MAF: variants seen among roughly 807,000 people sequenced by gnomAD.
MAF encodes MAF bZIP transcription factor, also known as transcription factor Maf.
A neutral mutation model predicts 22.0 loss-of-function variants in MAF; 10 were observed. The observed-to-expected ratio is 0.45, with a 90% CI of 0.28 to 0.77. The LOEUF is 0.77. MAF is among the 30% of genes least tolerant of loss of function. The probability of loss-of-function intolerance (pLI) is 0.12; values close to 1 mark genes in which losing one functional copy is unlikely to be tolerated. For missense variants in MAF, 544 were observed against 548.4 expected, an observed-to-expected ratio of 0.99 and a Z score of 0.08; for synonymous variants, 337 against 255.8, an observed-to-expected ratio of 1.32 and a Z score of -3.03.
At chr16:79,373,467 C>G in the MAF span, among the ~76,000 whole-genome samples, 1 of 142,072 alleles carries the variant, frequency 7.0e-6, no homozygotes, top group African/African-American at 2.6e-5. Context: ...ACTGCAACCT[C>G]CATCTCCTGG....
At chr16:79,512,364 G>A in the MAF span, among the ~76,000 whole-genome samples, 1 of 152,118 alleles carries the variant, frequency 6.6e-6, no homozygotes, top group Non-Finnish European at 1.5e-5. Flanking sequence ...TGAAGAAAAT[G>A]AACCTTCCAG....
chr16:79,550,659 T>G, the MAF span, among the ~76,000 whole-genome samples: 3 of 152,276 alleles, frequency 2.0e-5, no homozygotes, highest in South Asian at 6.2e-4. Context: ...GATATCTCAC[T>G]CACTGCCTTT....
the MAF span, among the ~76,000 whole-genome samples, chr16:79,238,190 G>A: frequency 6.6e-6 from 1 of 151,934 alleles, no homozygotes; most frequent in Non-Finnish European, 1.5e-5. Context: ...CTAGTATCCT[G>A]GGACAGAGCC....
chr16:79,418,111 A>G, the MAF span, among the ~76,000 whole-genome samples: 1 of 152,202 alleles, frequency 6.6e-6, no homozygotes, highest in African/African-American at 2.4e-5. Context: ...GGAAGAAAAC[A>G]GGGACCTATC....
the MAF span, among the ~76,000 whole-genome samples, chr16:79,413,492 C>T: frequency 6.6e-6 from 1 of 151,180 alleles, no homozygotes; most frequent in Non-Finnish European, 1.5e-5. Context: ...CTCGGCCTCC[C>T]AAAGTGCTGG....
At chr16:79,514,821 G>C in the MAF span, among the ~76,000 whole-genome samples, 3 of 152,208 alleles carry the variant, frequency 2.0e-5, no homozygotes, top group Admixed American at 2.0e-4. Flanking sequence ...TTGGAAGCCA[G>C]ATAAAAGTAT....
At chr16:79,384,490 G>T in the MAF span, among the ~76,000 whole-genome samples, 1 of 149,760 alleles carries the variant, frequency 6.7e-6, no homozygotes, top group Admixed American at 6.7e-5. Context: ...GGGCATGGTG[G>T]CTCACGCCTG....
At chr16:79,225,256 T>G in the MAF span, among the ~76,000 whole-genome samples, 1 of 152,144 alleles carries the variant, frequency 6.6e-6, no homozygotes, top group South Asian at 2.1e-4. Context: ...AAACAAGCAA[T>G]GGGGAAAGAA....
the MAF span, among the ~76,000 whole-genome samples, chr16:79,576,865 A>G: frequency 2.0e-5 from 3 of 152,174 alleles, no homozygotes; most frequent in African/African-American, 4.8e-5. Flanking sequence ...TTCCTATCTT[A>G]CAGATGCAGA....
chr16:79,527,861 G>C, the MAF span, among the ~76,000 whole-genome samples: 1 of 152,030 alleles, frequency 6.6e-6, no homozygotes, highest in Admixed American at 6.5e-5. Flanking sequence ...GCATGGAGTG[G>C]CTTGGCATGG....
chr16:79,579,402 G>A, the MAF span, among the ~76,000 whole-genome samples: 1 of 152,112 alleles, frequency 6.6e-6, no homozygotes, highest in Non-Finnish European at 1.5e-5. Flanking sequence ...AGATATATAT[G>A]TGCTGACATT....
At chr16:79,243,519 G>A in the MAF span, among the ~76,000 whole-genome samples, 1 of 152,032 alleles carries the variant, frequency 6.6e-6, no homozygotes, top group Admixed American at 6.6e-5. Flanking sequence ...AAACCTGGAA[G>A]AAGTAGAATC....
the MAF span, among the ~76,000 whole-genome samples, chr16:79,239,868 C>G: frequency 6.6e-6 from 1 of 151,970 alleles, no homozygotes; most frequent in African/African-American, 2.4e-5. Context: ...GCTGAAGAAG[C>G]ACAGCCCTCA....
At chr16:79,257,666 A>T in the MAF span, among the ~76,000 whole-genome samples, 27 of 152,206 alleles carry the variant, frequency 1.8e-4, 1 homozygote, top group East Asian at 5.2e-3. Flanking sequence ...TAATATAATA[A>T]CATCTATGTC....
the MAF span, among the ~76,000 whole-genome samples, chr16:79,419,818 G>A: frequency 6.6e-6 from 1 of 152,046 alleles, no homozygotes; most frequent in African/African-American, 2.4e-5. Flanking sequence ...CAGTGTCACA[G>A]CATCACCATG....
the MAF span, among the ~76,000 whole-genome samples, chr16:79,424,692 G>T: frequency 6.6e-6 from 1 of 152,124 alleles, no homozygotes; most frequent in African/African-American, 2.4e-5. Flanking sequence ...GGAGTGCTGT[G>T]AGACTGTTGG....
chr16:79,339,336 G>T, the MAF span, among the ~76,000 whole-genome samples: 5 of 152,226 alleles, frequency 3.3e-5, no homozygotes, highest in Admixed American at 6.5e-5. Context: ...TGGGATTACA[G>T]GCGTGAGCCA....
chr16:79,526,080 G>T, the MAF span, among the ~76,000 whole-genome samples: 2 of 152,152 alleles, frequency 1.3e-5, no homozygotes, highest in African/African-American at 4.8e-5. Context: ...CAGTTCCCAT[G>T]GACCCCCATG....
the MAF span, chr16:79,211,801 A>C: frequency 2.5e-6 from 4 of 1,614,046 alleles, no homozygotes; most frequent in Non-Finnish European, 3.4e-6. Context: ...GGCTAAGTGG[A>C]GCTCAGAGCG....
Sources: gnomAD v4.1 joint callset for allele counts (sites outside exome capture counted in the v4.1 genomes callset) on GRCh38, gnomAD v4.1.1 for gene constraint, MANE v1.5 for transcripts, NCBI Gene and HGNC (gene_info 2026-07-23, HGNC 2026-07-21) for gene names.